The following CAVIN1 variants were observed in gnomAD, a reference collection of about 807,000 sequenced individuals.
The protein encoded by CAVIN1 is caveolae-associated protein 1.
A neutral mutation model predicts 24.0 loss-of-function variants in CAVIN1; 16 were observed. The observed-to-expected ratio is 0.67, with a 90% CI of 0.45 to 1.01. CAVIN1 has a LOEUF of 1.01. Among genes scored for constraint, CAVIN1 ranks in the 50% least tolerant of loss-of-function variants. The pLI, the probability that CAVIN1 is intolerant of heterozygous loss-of-function variation, is 0.00. For missense variants in CAVIN1, 510 were observed against 551.7 expected (o/e 0.92, Z 0.76); for synonymous variants, 256 against 256.4 (o/e 1.00, Z 0.02).
At chr17:42,407,472 T>TCCTCTTC (rs1294080605) in intron 1 of CAVIN1, among the ~76,000 whole-genome samples, 1 of 152,014 alleles carries the variant, frequency 6.6e-6, no homozygotes, top group Non-Finnish European at 1.5e-5. Flanking sequence ...CCAACCTCTT[T>TCCTCTTC]CCTCTTCCCT....
In CAVIN1 at chr17:42,404,627, G is replaced by T. The variant is rs2085430408; in HGVS notation, c.*60C>A. 1 of 1,165,130 alleles carries T rather than the reference G, an allele frequency of 8.6e-7. No homozygotes were observed. The highest frequency in any genetic ancestry group is 1.1e-6 in the Non-Finnish European group (1 of 876,292). 72.2% of individuals were successfully genotyped at this position (1,165,130 alleles called of 1,614,324 possible). On this transcript the variant is annotated 3_prime_UTR_variant, in exon 2 of 2. Transcript: ENST00000357037. Reference sequence around the variant, plus strand: ...ATCTCAGCCAGCTCGAGCCGAGAGAGAATGCGAAAGAGGAAGTTCGGAAGG... The same window carrying T: ...ATCTCAGCCAGCTCGAGCCGAGAGATAATGCGAAAGAGGAAGTTCGGAAGG...
At chr17:42,411,530 G>A in intron 1 of CAVIN1, 1 of 985,320 alleles carries the variant, frequency 1.0e-6, no homozygotes, top group Non-Finnish European at 1.2e-6. Context: ...ACCCAAGGCA[G>A]GATCTGGCAA....
intron 1 of CAVIN1, among the ~76,000 whole-genome samples, chr17:42,420,109 C>T (rs535400210): frequency 1.3e-5 from 2 of 152,230 alleles, no homozygotes; most frequent in African/African-American, 4.8e-5. Flanking sequence ...ACATCATCAC[C>T]TCCCACCCCT....
At chr17:42,411,008 A>C (rs1431391017) in intron 1 of CAVIN1, among the ~76,000 whole-genome samples, 1 of 147,580 alleles carries the variant, frequency 6.8e-6, no homozygotes, top group Non-Finnish European at 1.5e-5. Context: ...TGAGGTCAGG[A>C]GTTCGAAACC....
intron 1 of CAVIN1, chr17:42,411,685 C>CT: frequency 1.0e-6 from 1 of 985,454 alleles, no homozygotes; most frequent in African/African-American, 1.7e-5. Flanking sequence ...TCCAAAGAGG[C>CT]TTTGAGCCAA....
In CAVIN1 at chr17:42,404,829, A is replaced by G; in HGVS notation, c.1031T>C (p.Val344Ala). Residue 344 changes from valine to alanine, a missense_variant, in exon 2 of 2, where the codon GTG becomes GCG. By Grantham distance (64) the Val-to-Ala change is moderately conservative (BLOSUM62 0). Transcript: ENST00000357037. ...GCCGCCCTCGTCGTCGTCGGCGCCC[A>G]CCTCCACCATCTCGGTGGCCTTGAG... Reference protein sequence around the residue: ...EVLKATEMVEVGADDDEGGAE... With the variant: ...EVLKATEMVEAGADDDEGGAE... The G allele has an allele frequency of 1.2e-6, 2 of 1,608,368 alleles. No individual in the cohort carries two copies. The highest frequency in any genetic ancestry group is 1.7e-4 in the Middle Eastern group (1 of 6,044).
intron 1 of CAVIN1, among the ~76,000 whole-genome samples, chr17:42,412,613 A>C (rs1436064082): frequency 7.0e-6 from 1 of 143,708 alleles, no homozygotes; most frequent in Non-Finnish European, 1.5e-5. Context: ...CCCAGGCTAG[A>C]AACTATTTTA....
Position 42,422,536 on chromosome 17 carries a change from C to T in CAVIN1, c.471+91G>A, listed in dbSNP as rs1567781994. The T allele has an allele frequency of 3.9e-6, 4 of 1,019,870 alleles. No individual in the cohort carries two copies. The Admixed American group carries it at 7.3e-5, about 19-fold the overall frequency. 63.2% of individuals were successfully genotyped at this position (1,019,870 alleles called of 1,614,324 possible). On this transcript the variant is annotated intron_variant, in intron 1 of 1. Coordinates refer to ENST00000357037, the MANE Select transcript of CAVIN1 (RefSeq NM_012232.6). The stretch of plus-strand genomic sequence containing the variant: ...CCGGGCCAGGCTGGGAGGGGAGCAG[C>T]GCCACGGGCAGGTCTCCCCACCCCA...
intron 1 of CAVIN1, among the ~76,000 whole-genome samples, chr17:42,408,285 C>T (rs1050975013): frequency 5.5e-4 from 84 of 152,066 alleles, no homozygotes; most frequent in African/African-American, 2.0e-3. Context: ...GCCTGCTCCA[C>T]CCCACCCCTA....
At position 42,404,342 on chromosome 17, in the gene CAVIN1, T is replaced by G; in HGVS notation, c.*345A>C. Reference sequence around the variant, plus strand: ...AGTGAGCGGAATGACAGCAGCTGGGTGGGTGGTGTGGGGAGAGGCTGAGGG... The same window carrying G: ...AGTGAGCGGAATGACAGCAGCTGGGGGGGTGGTGTGGGGAGAGGCTGAGGG... On this transcript the variant is annotated 3_prime_UTR_variant, in exon 2 of 2. Coordinates refer to ENST00000357037, the MANE Select transcript of CAVIN1 (RefSeq NM_012232.6). 2 of 198,854 alleles carry G rather than the reference T, an allele frequency of 1.0e-5. No individual in the cohort carries two copies. The highest frequency in any genetic ancestry group is 2.0e-5 in the Non-Finnish European group (2 of 99,172). The allele number at this position is 198,854 out of a possible 1,614,324, so 12.3% of individuals were successfully genotyped here. A position where few individuals can be genotyped will look rare whatever the true frequency, so the allele number is the denominator to read the frequency against.
At chr17:42,420,842 C>T (rs1308509816) in intron 1 of CAVIN1, among the ~76,000 whole-genome samples, 1 of 152,096 alleles carries the variant, frequency 6.6e-6, no homozygotes, top group Non-Finnish European at 1.5e-5. Flanking sequence ...GAAGGGTCAC[C>T]CCTCGAGCTC....
At chr17:42,418,669 G>A (rs185527179) in intron 1 of CAVIN1, among the ~76,000 whole-genome samples, 1 of 152,210 alleles carries the variant, frequency 6.6e-6, no homozygotes, top group Admixed American at 6.5e-5. Context: ...GCACAATAGG[G>A]TGATAGAGTT....
intron 1 of CAVIN1, among the ~76,000 whole-genome samples, chr17:42,416,137 G>A (rs1255943407): frequency 6.6e-6 from 1 of 152,024 alleles, no homozygotes; most frequent in Non-Finnish European, 1.5e-5. Flanking sequence ...GGAGGCTGAG[G>A]CAGGTGGATC....
chr17:42,412,365 A>G, intron 1 of CAVIN1: 2 of 689,260 alleles, frequency 2.9e-6, no homozygotes, highest in South Asian at 6.5e-5. Context: ...GGGGAGCACA[A>G]TGTATTAGGA....
At chr17:42,414,945 C>T (rs898124409) in intron 1 of CAVIN1, among the ~76,000 whole-genome samples, 1 of 149,488 alleles carries the variant, frequency 6.7e-6, no homozygotes, top group Non-Finnish European at 1.5e-5. Flanking sequence ...CTTTCCCCCA[C>T]TTTTCTCCCC....
At chr17:42,408,266 A>C (rs2085456994) in intron 1 of CAVIN1, among the ~76,000 whole-genome samples, 1 of 149,702 alleles carries the variant, frequency 6.7e-6, no homozygotes, top group African/African-American at 2.5e-5. Flanking sequence ...CTTCTCCCCT[A>C]CCCCTGCTGC....
chr17:42,419,794 G>A (rs926005960), intron 1 of CAVIN1, among the ~76,000 whole-genome samples: 1 of 152,124 alleles, frequency 6.6e-6, no homozygotes, highest in African/African-American at 2.4e-5. Flanking sequence ...GGGAGACAGG[G>A]AAGGAAATGC....
chr17:42,408,023 T>C (rs1258519897), intron 1 of CAVIN1, among the ~76,000 whole-genome samples: 1 of 151,842 alleles, frequency 6.6e-6, no homozygotes, highest in African/African-American at 2.4e-5. Context: ...CCCCAGTATA[T>C]ATATATATTA....
chr17:42,423,149 G>A lies in CAVIN1; in HGVS notation c.-52C>T. 2 of 1,361,306 alleles carry A rather than the reference G, an allele frequency of 1.5e-6. No homozygotes were observed. The highest frequency in any genetic ancestry group is 2.0e-6 in the Non-Finnish European group (2 of 1,005,984). 84.3% of individuals were successfully genotyped at this position (1,361,306 alleles called of 1,614,324 possible). On this transcript the variant is annotated 5_prime_UTR_variant, in exon 1 of 2. Coordinates refer to ENST00000357037, the MANE Select transcript of CAVIN1 (RefSeq NM_012232.6). Reference sequence around the variant, plus strand: ...CCGGGTGGGGCTGGAGCTGGAGCGGGAGACCCGGAGAGAAGCAGGAGCGGA... The same window carrying A: ...CCGGGTGGGGCTGGAGCTGGAGCGGAAGACCCGGAGAGAAGCAGGAGCGGA...
Sources: allele counts gnomAD v4.1 joint callset (sites outside exome capture counted in the v4.1 genomes callset), GRCh38; gene constraint gnomAD v4.1.1; transcripts MANE v1.5; gene names NCBI Gene and HGNC (gene_info 2026-07-23, HGNC 2026-07-21).